Variants in ITPK1 observed in about 807,000 individuals in gnomAD.
The protein encoded by ITPK1 is inositol 1,3,4-trisphosphate 5/6-kinase.
In ITPK1, 21 loss-of-function variants were observed where a neutral mutation model predicts 45.3. The ratio of observed to expected loss-of-function variants is 0.46; its 90% confidence interval spans 0.33 to 0.67. ITPK1 has a LOEUF of 0.67. Ranked by LOEUF, ITPK1 falls within the 30% of genes least tolerant of loss-of-function variation. The pLI is 0.02. For synonymous variants in ITPK1, 258 were observed against 253.6 expected, an observed-to-expected ratio of 1.02 and a Z score of -0.16; for missense variants, 474 against 573.5, an observed-to-expected ratio of 0.83 and a Z score of 1.77.
intron 4 of ITPK1, among the ~76,000 whole-genome samples, chr14:93,011,038 C>G (rs190668095): frequency 8.7e-4 from 132 of 152,348 alleles, no homozygotes; most frequent in African/African-American, 2.6e-3. Context: ...TAGTTTAATG[C>G]TAACAATAAC....
At position 93,012,628 on chromosome 14, in the gene ITPK1, G is replaced by A. The variant is rs899231620; in HGVS notation, c.246+4048C>T. Among the ~76,000 whole-genome samples, 1 of 152,118 alleles carries A rather than the reference G, an allele frequency of 6.6e-6. No homozygotes were observed. On this transcript the variant is annotated intron_variant, in intron 4 of 10. Transcript: ENST00000267615. This position sits in a 1 kb window ranked among gnomAD's most constrained non-coding sequence, Gnocchi z 4.9. Reference sequence around the variant, plus strand: ...GAGGTCAGTTCTGGGTCTGCCTGCTGGCCTCTCCTCCTGGCCAGGAGCTCG... The same window carrying A: ...GAGGTCAGTTCTGGGTCTGCCTGCTAGCCTCTCCTCCTGGCCAGGAGCTCG...
rs1305146984 is a variant in ITPK1, at chr14:93,012,838, G to A, written c.246+3838C>T. On this transcript the variant is annotated intron_variant, in intron 4 of 10. Transcript: ENST00000267615. The surrounding 1 kb of genome is among the most constrained non-coding windows in gnomAD (Gnocchi z 4.9). The stretch of plus-strand genomic sequence containing the variant: ...TAAGCTTATTCAGGGAGAACCCCAG[G>A]AAGGTCCCCCGAGGCAGCCCCACAT... Among the ~76,000 whole-genome samples the A allele has an allele frequency of 6.6e-6, 1 of 152,194 alleles. No individual in the cohort carries two copies. Among genetic ancestry groups the A allele is most frequent in the Non-Finnish European group, 1.5e-5 (1 of 68,018 alleles).
intron 2 of ITPK1, among the ~76,000 whole-genome samples, chr14:93,110,505 AG>A (rs2140038576): frequency 6.6e-6 from 1 of 152,338 alleles, no homozygotes; most frequent in South Asian, 2.1e-4. Context: ...CCTATTTTAA[AG>A]GAACAAATGT....
chr14:92,963,538 A>ACTGCATCTCTGCTGCATGCTCC (rs1186520751), intron 5 of ITPK1, among the ~76,000 whole-genome samples: 11 of 152,190 alleles, frequency 7.2e-5, no homozygotes, highest in African/African-American at 1.7e-4. Context: ...CACCACGCTC[A>ACTGCATCTCTGCTGCATGCTCC]CTGCATCTCT....
At chr14:93,001,018 G>A (rs964779508) in intron 4 of ITPK1, among the ~76,000 whole-genome samples, 3 of 147,060 alleles carry the variant, frequency 2.0e-5, no homozygotes, top group Admixed American at 6.8e-5. Flanking sequence ...GGTGGCTCAC[G>A]CCTGTAATCC....
intron 10 of ITPK1, among the ~76,000 whole-genome samples, chr14:92,945,088 G>A (rs940783165): frequency 2.0e-5 from 3 of 152,206 alleles, no homozygotes; most frequent in Non-Finnish European, 4.4e-5. Flanking sequence ...CCCGCTGACC[G>A]CCCGCTCTGT....
At chr14:93,099,548 A>G (rs1227217912) in intron 2 of ITPK1, among the ~76,000 whole-genome samples, 1 of 152,180 alleles carries the variant, frequency 6.6e-6, no homozygotes, top group African/African-American at 2.4e-5. Flanking sequence ...TCAGCCCTCC[A>G]GTATGTCCAC....
At chr14:92,947,990 G>A (rs1432562688) in intron 9 of ITPK1, among the ~76,000 whole-genome samples, 13 of 152,180 alleles carry the variant, frequency 8.5e-5, no homozygotes, top group African/African-American at 3.1e-4. Flanking sequence ...CTATCCATAC[G>A]ACGGAATATT....
chr14:92,991,531 T>C (rs1886788830), intron 5 of ITPK1, among the ~76,000 whole-genome samples: 1 of 152,084 alleles, frequency 6.6e-6, no homozygotes, highest in African/African-American at 2.4e-5. Context: ...GCTCTCCCCT[T>C]ATGGGTAGCT....
intron 4 of ITPK1, among the ~76,000 whole-genome samples, chr14:92,995,216 G>A (rs1466275895): frequency 6.6e-6 from 1 of 152,176 alleles, no homozygotes; most frequent in Non-Finnish European, 1.5e-5. Flanking sequence ...ACTTGGTTGT[G>A]AGAGCCGGGG....
chr14:93,092,143 T>C (rs575410527), intron 2 of ITPK1, among the ~76,000 whole-genome samples: 2 of 152,062 alleles, frequency 1.3e-5, no homozygotes, highest in East Asian at 3.9e-4. Context: ...CAAGGGGAGA[T>C]TAACACACTG....
At chr14:93,017,992 A>T (rs1407328970) in intron 3 of ITPK1, among the ~76,000 whole-genome samples, 1 of 152,228 alleles carries the variant, frequency 6.6e-6, no homozygotes, top group East Asian at 1.9e-4. Flanking sequence ...ACACAAACTC[A>T]GATCTAAGGC....
At chr14:93,111,244 AGAGAGGAG>A (rs2140039885) in intron 2 of ITPK1, among the ~76,000 whole-genome samples, 1 of 152,372 alleles carries the variant, frequency 6.6e-6, no homozygotes, top group Admixed American at 6.5e-5. Flanking sequence ...AGAATGGGAC[AGAGAGGAG>A]GAGAGGAGGA....
chr14:93,029,287 C>G lies in ITPK1; in HGVS notation c.121-12486G>C, dbSNP rs8003442. ...CCTAGAGCCAACACCTCACACTGCC[C>G]GCCCCTCACCTCCACCTGGGGTCTG... On this transcript the variant is annotated intron_variant, in intron 3 of 10. Transcript: ENST00000267615. Among the ~76,000 whole-genome samples the G allele has an allele frequency of 8.5e-3, 1,294 of 152,192 alleles. 19 individuals are homozygous for G. The highest frequency in any genetic ancestry group is 0.03 in the African/African-American group (1,240 of 41,534).
At chr14:93,048,650 A>G (rs28569861) in intron 3 of ITPK1, among the ~76,000 whole-genome samples, 20,080 of 152,146 alleles carry the variant, frequency 0.13, 1,498 homozygotes, top group South Asian at 0.26. Context: ...TTTGAAAGAG[A>G]AGAAACACTC....
chr14:92,992,117 A>C (rs1886820288), intron 5 of ITPK1, among the ~76,000 whole-genome samples: 1 of 152,126 alleles, frequency 6.6e-6, no homozygotes, highest in Non-Finnish European at 1.5e-5. Flanking sequence ...ACCTCCTCGA[A>C]TCCCACCCAA....
In ITPK1 at chr14:93,115,088, C is replaced by T. The variant is rs776582725; in HGVS notation, c.76G>A (p.Ala26Thr). 2 of 1,600,460 alleles carry T rather than the reference C, an allele frequency of 1.2e-6. No individual in the cohort carries two copies. Among genetic ancestry groups the T allele is most frequent in the Admixed American group, 3.4e-5 (2 of 58,812 alleles). ...CCTTACCTGCACAGCTCGGCGAAGG[C>T]CTGGAAATTCAGCTTCTTGATTTTC... ...EKKIKKLNFQ[A>T]FAELCRKRGM... Residue 26 changes from alanine to threonine, a missense_variant, in exon 2 of 11, where the codon GCC (alanine) becomes ACC (threonine). Around this residue, in one of 2 missense-constraint regions of ITPK1, gnomAD observed 367 missense variants for 480.6 expected, o/e 0.76. Transcript: ENST00000267615.
At chr14:93,055,667 A>G (rs1398077284) in intron 3 of ITPK1, among the ~76,000 whole-genome samples, 2 of 151,876 alleles carry the variant, frequency 1.3e-5, no homozygotes, top group African/African-American at 2.4e-5. Context: ...GTCCCCTCCC[A>G]TGCCTCCCTC....
intron 2 of ITPK1, among the ~76,000 whole-genome samples, chr14:93,105,764 C>G (rs1487712993): frequency 6.8e-6 from 1 of 148,068 alleles, no homozygotes; most frequent in Non-Finnish European, 1.5e-5. Context: ...AGTACAGTGG[C>G]GCGATCTCGG....
Sources: gnomAD v4.1 joint callset for allele counts (sites outside exome capture counted in the v4.1 genomes callset) on GRCh38, gnomAD v4.1.1 for gene constraint, gnomAD v4.1.1 regional missense constraint, Gnocchi (gnomAD v3.1) non-coding constraint, MANE v1.5 for transcripts, NCBI Gene and HGNC (gene_info 2026-07-23, HGNC 2026-07-21) for gene names.